The following CACNA1I variants were observed in gnomAD, a reference collection of about 807,000 sequenced individuals.
The protein encoded by CACNA1I is voltage-dependent T-type calcium channel subunit alpha-1I.
A neutral mutation model predicts 201.6 loss-of-function variants in CACNA1I; 74 were observed. The ratio of observed to expected loss-of-function variants is 0.37; its 90% CI spans 0.30 to 0.45. The LOEUF (loss-of-function observed/expected upper bound fraction) is 0.45. CACNA1I is among the 20% of genes least tolerant of loss of function. The pLI, the probability that CACNA1I is intolerant of heterozygous loss-of-function variation, is 1.00. For missense variants in CACNA1I, 2,346 were observed against 3,138.1 expected, an observed-to-expected ratio of 0.75 and a Z score of 6.03; for synonymous variants, 1,431 against 1,345.2, an observed-to-expected ratio of 1.06 and a Z score of -1.40.
In CACNA1I at chr22:39,648,046, C is replaced by T; in HGVS notation, c.1567+120C>T. ...GCGCTTGAGCAGCCGCGACCCTCTG[C>T]AGGCCTGTCTCCCTCTATAAAGTGA... On this transcript the variant is annotated intron_variant, in intron 9 of 36. Coordinates refer to ENST00000402142, the MANE Select transcript of CACNA1I (RefSeq NM_021096.4). This position sits in a 1 kb window ranked among gnomAD's most constrained non-coding sequence, Gnocchi z 5.4. 4 of 834,058 alleles carry T rather than the reference C, an allele frequency of 4.8e-6. No individual in the cohort carries two copies. The South Asian group carries it at 4.8e-5, about 10-fold the overall frequency. The allele number at this position is 834,058 out of a possible 1,614,324, so 51.7% of individuals were successfully genotyped here.
intron 1 of CACNA1I, among the ~76,000 whole-genome samples, chr22:39,593,389 C>T (rs1450835225): frequency 6.6e-6 from 1 of 152,138 alleles, no homozygotes; most frequent in Non-Finnish European, 1.5e-5. Flanking sequence ...CTAGCCAGGG[C>T]AGGTGGGAGT....
chr22:39,621,479 C>A (rs1009974521), intron 4 of CACNA1I, among the ~76,000 whole-genome samples: 5 of 152,220 alleles, frequency 3.3e-5, no homozygotes, highest in African/African-American at 1.2e-4. Context: ...ATGCATCAGT[C>A]AGTCTGGGCA....
intron 6 of CACNA1I, 31 bp from the exon 7 acceptor site, chr22:39,642,766 C>T: frequency 6.5e-7 from 1 of 1,538,532 alleles, no homozygotes; most frequent in Non-Finnish European, 8.9e-7. Flanking sequence ...TGGGCCAGTC[C>T]TCTCGGCTCT....
At chr22:39,611,417 C>T (rs1933384219) in intron 3 of CACNA1I, among the ~76,000 whole-genome samples, 1 of 152,120 alleles carries the variant, frequency 6.6e-6, no homozygotes, top group Non-Finnish European at 1.5e-5. Context: ...TTTCCAGAGG[C>T]TGAAATATAA....
At position 39,677,803 on chromosome 22, in the gene CACNA1I, C is replaced by A. The variant is rs1215349083; in HGVS notation, c.4934-184C>A. ...GGCGGGGAGCAGAGCCAGACTCACC[C>A]AAACCTGAGCCCCAGCTCATGTGCC... is the stretch of plus-strand genomic sequence containing the variant. On this transcript the variant is annotated intron_variant, in intron 30 of 36. Coordinates refer to ENST00000402142, the MANE Select transcript of CACNA1I (RefSeq NM_021096.4). This position sits in a 1 kb window ranked among gnomAD's most constrained non-coding sequence, Gnocchi z 4.8. 6.6e-6 allele frequency among the ~76,000 whole-genome samples: 1 copy of A among 152,240 alleles called. No individual in the cohort carries two copies. Among genetic ancestry groups the A allele is most frequent in the Non-Finnish European group, 1.5e-5 (1 of 68,046 alleles).
chr22:39,578,728 C>T lies in CACNA1I; in HGVS notation c.236+7740C>T, dbSNP rs115571231. ...GTGTGCTGATTCTTTCCTCACTCCC[C>T]GTAGCTCCTGGGAATCGGCTAACTG... is the stretch of plus-strand genomic sequence containing the variant. On this transcript the variant is annotated intron_variant, in intron 1 of 36. Transcript: ENST00000402142. Among the ~76,000 whole-genome samples the T allele has an allele frequency of 4.1e-3, 624 of 152,294 alleles. 5 individuals are homozygous for T. Among genetic ancestry groups the T allele is most frequent in the African/African-American group, 0.014 (596 of 41,554 alleles).
rs59106927 is a variant in CACNA1I, at chr22:39,662,721, A to C, written c.3373-55A>C. 9,385 of 1,291,806 alleles carry C rather than the reference A, an allele frequency of 7.3e-3. 74 individuals are homozygous for C. Among genetic ancestry groups the C allele is most frequent in the South Asian group, 9.4e-3 (741 of 78,708 alleles). 80.0% of individuals were successfully genotyped at this position (1,291,806 alleles called of 1,614,324 possible). A position where few individuals can be genotyped will look rare whatever the true frequency, so the allele number is the denominator to read the frequency against. On this transcript the variant is annotated intron_variant, in intron 17 of 36. Coordinates refer to ENST00000402142, the MANE Select transcript of CACNA1I (RefSeq NM_021096.4). ...GTTGGCGCGATGGCCGCATGGGCGGAGACCGGCAACCCTGCGCATCGCTGA... is the reference window on the plus strand; with the variant it reads ...GTTGGCGCGATGGCCGCATGGGCGGCGACCGGCAACCCTGCGCATCGCTGA...
At position 39,676,497 on chromosome 22, in the gene CACNA1I, G is replaced by T. The variant is rs1227602148; in HGVS notation, c.4855-844G>T. 6.6e-6 allele frequency among the ~76,000 whole-genome samples: 1 copy of T among 152,206 alleles called. No individual in the cohort carries two copies. Among genetic ancestry groups the T allele is most frequent in the East Asian group, 1.9e-4 (1 of 5,204 alleles). On this transcript the variant is annotated intron_variant, in intron 29 of 36. Transcript: ENST00000402142. The surrounding 1 kb of genome is among the most constrained non-coding windows in gnomAD (Gnocchi z 4.8). ...AAGAGATATTTCATTTCTAGGGCAA[G>T]AATGTGTTTTAGCCTTATCTTATCC...
chr22:39,628,117 C>T (rs966736573), intron 4 of CACNA1I, among the ~76,000 whole-genome samples: 1 of 152,096 alleles, frequency 6.6e-6, no homozygotes, highest in Non-Finnish European at 1.5e-5. Context: ...TCTACAAATC[C>T]GGAGGGAGGG....
chr22:39,578,648 C>T (rs1446785276), intron 1 of CACNA1I, among the ~76,000 whole-genome samples: 1 of 152,134 alleles, frequency 6.6e-6, no homozygotes, highest in East Asian at 1.9e-4. Flanking sequence ...GTGCTGTGTA[C>T]CCGGAGGGGC....
At chr22:39,606,565 T>C (rs5995757) in intron 3 of CACNA1I, among the ~76,000 whole-genome samples, 91,316 of 152,164 alleles carry the variant, frequency 0.6, 29,955 homozygotes, top group African/African-American at 0.84. Context: ...CAGGGTCTCT[T>C]TCTGTTGCCC....
rs557245911 is a variant in CACNA1I at position 39,627,687 on chromosome 22, C to T, written c.581-6878C>T. 1.3e-3 allele frequency among the ~76,000 whole-genome samples: 193 copies of T among 152,320 alleles called. 3 individuals are homozygous for T. The highest frequency in any genetic ancestry group is 4.5e-3 in the African/African-American group (185 of 41,566). On this transcript the variant is annotated intron_variant, in intron 4 of 36. Coordinates refer to ENST00000402142, the MANE Select transcript of CACNA1I (RefSeq NM_021096.4). ...GTTGGCGTGGAAGTGTCGGCATTTT[C>T]GCCTGAAGCATGTGTTTACTCTCGG...
At position 39,659,234 on chromosome 22, in the gene CACNA1I, C is replaced by G. The variant is rs1442641035; in HGVS notation, c.2330+118C>G. On this transcript the variant is annotated intron_variant, in intron 12 of 36. Transcript: ENST00000402142. This position sits in a 1 kb window ranked among gnomAD's most constrained non-coding sequence, Gnocchi z 4.3. ...AAGCCACCTGGACCTGGGTGTGAAG[C>G]CTGACACTGTTCCTCAGTCCCCTGT... The G allele has an allele frequency of 1.1e-5, 14 of 1,269,028 alleles. No homozygotes were observed. In the East Asian group the frequency reaches 3.0e-4, roughly 27 times the overall value. 78.6% of individuals were successfully genotyped at this position (1,269,028 alleles called of 1,614,324 possible).
intron 1 of CACNA1I, 32 bp from the exon 2 acceptor site, chr22:39,598,119 A>C (rs1932932364): frequency 7.1e-7 from 1 of 1,413,594 alleles, no homozygotes; most frequent in East Asian, 2.4e-5. Flanking sequence ...GGGCGATCCC[A>C]CCTGCTGCTT....
intron 4 of CACNA1I, among the ~76,000 whole-genome samples, chr22:39,624,579 T>C (rs2146399988): frequency 6.6e-6 from 1 of 152,328 alleles, no homozygotes; most frequent in East Asian, 1.9e-4. Context: ...CTCCAGCAGC[T>C]GGTGTTCCCC....
rs1935681199 is a variant in CACNA1I, at chr22:39,680,851, G to A, written c.5542-79G>A. The A allele has an allele frequency of 4.0e-6, 6 of 1,485,184 alleles. No homozygotes were observed. The East Asian group carries it at 1.4e-4, about 34-fold the overall frequency. 92.0% of individuals were successfully genotyped at this position (1,485,184 alleles called of 1,614,324 possible). A position where few individuals can be genotyped will look rare whatever the true frequency, so the allele number is the denominator to read the frequency against. ...GCTCGGCCTCTCTTCAGAGCCTCAGGCCTGTGGCTGCACGCCCCAGGACCC... is the reference window on the plus strand; with the variant it reads ...GCTCGGCCTCTCTTCAGAGCCTCAGACCTGTGGCTGCACGCCCCAGGACCC... On this transcript the variant is annotated intron_variant, in intron 33 of 36. Transcript: ENST00000402142.
chr22:39,665,451 T>C lies in CACNA1I; in HGVS notation c.3852-47T>C, dbSNP rs1341399956. 1 of 1,608,156 alleles carries C rather than the reference T, an allele frequency of 6.2e-7. No homozygotes were observed. The highest frequency in any genetic ancestry group is 8.5e-7 in the Non-Finnish European group (1 of 1,177,204). On this transcript the variant is annotated intron_variant, in intron 21 of 36. Transcript: ENST00000402142. This position sits in a 1 kb window ranked among gnomAD's most constrained non-coding sequence, Gnocchi z 5.5. ...TCTGGGCTGAGTAGGGGCTGCCTCCTGGCCTGGCCAAGGGATTATGTGTGC... is the reference window on the plus strand; with the variant it reads ...TCTGGGCTGAGTAGGGGCTGCCTCCCGGCCTGGCCAAGGGATTATGTGTGC...
intron 3 of CACNA1I, 74 bp from the exon 4 acceptor site, chr22:39,619,236 A>G: frequency 8.8e-7 from 1 of 1,130,156 alleles, no homozygotes; most frequent in Non-Finnish European, 1.3e-6. Flanking sequence ...AGGTGGCTGG[A>G]GAATGCTGTG....
At chr22:39,658,713 C>A (rs1202651491) in intron 11 of CACNA1I, among the ~76,000 whole-genome samples, 2 of 152,254 alleles carry the variant, frequency 1.3e-5, no homozygotes, top group Non-Finnish European at 2.9e-5. Context: ...CGGATTCTAG[C>A]CAGAGACTTC....
Sources: gnomAD v4.1 joint callset for allele counts (sites outside exome capture counted in the v4.1 genomes callset) on GRCh38, gnomAD v4.1.1 for gene constraint, Gnocchi (gnomAD v3.1) non-coding constraint, MANE v1.5 for transcripts, NCBI Gene and HGNC (gene_info 2026-07-23, HGNC 2026-07-21) for gene names.